Variants in PMS1 observed in about 807,000 individuals in gnomAD.
The protein encoded by PMS1 is PMS1 protein homolog 1.
A neutral mutation model predicts 93.1 loss-of-function variants in PMS1; 79 were observed. The ratio of observed to expected loss-of-function variants is 0.85; its 90% CI spans 0.71 to 1.02. The LOEUF is 1.02. Ranked by LOEUF, PMS1 falls within the 50% of genes least tolerant of loss-of-function variation. PMS1 has a pLI of 0.00. For missense variants in PMS1, 1,064 were observed against 1,085.3 expected (o/e 0.98, Z 0.28); for synonymous variants, 335 against 363.4 (o/e 0.92, Z 0.89).
At chr2:189,800,731 T>A (rs999762828) in intron 3 of PMS1, among the ~76,000 whole-genome samples, 1 of 152,228 alleles carries the variant, frequency 6.6e-6, no homozygotes, top group Admixed American at 6.5e-5. Flanking sequence ...CATAGAGTTG[T>A]AAACCATCCT....
intron 9 of PMS1, 55 bp from the exon 10 acceptor site, chr2:189,863,688 G>A (rs953302290): frequency 3.0e-6 from 4 of 1,331,946 alleles, no homozygotes; most frequent in African/African-American, 2.9e-5. Context: ...TACTTCAGAT[G>A]GTTAATATAT....
intron 5 of PMS1, 66 bp from the exon 6 acceptor site, chr2:189,843,898 A>C: frequency 7.2e-7 from 1 of 1,384,250 alleles, no homozygotes; most frequent in Non-Finnish European, 1.0e-6. Flanking sequence ...GGAATAAAAT[A>C]CTGACTTCTT....
intron 10 of PMS1, 52 bp downstream of exon 10, chr2:189,864,280 A>C: frequency 8.2e-7 from 1 of 1,213,322 alleles, no homozygotes; most frequent in South Asian, 1.2e-5. Flanking sequence ...ATAATAGTTC[A>C]TACTAGATTA....
intron 5 of PMS1, among the ~76,000 whole-genome samples, chr2:189,823,439 A>G (rs932566502): frequency 3.3e-5 from 5 of 151,112 alleles, no homozygotes; most frequent in South Asian, 2.1e-4. Context: ...CACCCCCTCA[A>G]CAGGCCCCGG....
intron 5 of PMS1, among the ~76,000 whole-genome samples, chr2:189,830,530 A>G (rs2052834799): frequency 6.6e-6 from 1 of 152,014 alleles, no homozygotes; most frequent in South Asian, 2.1e-4. Flanking sequence ...TCTTGAACTT[A>G]TCAGTATCCA....
At chr2:189,816,118 A>G (rs2051274895) in intron 4 of PMS1, among the ~76,000 whole-genome samples, 1 of 152,144 alleles carries the variant, frequency 6.6e-6, no homozygotes, top group Non-Finnish European at 1.5e-5. Context: ...TCTGGTCTCT[A>G]CTTCCTGGGC....
chr2:189,866,983 C>G (rs2056717601), intron 10 of PMS1, among the ~76,000 whole-genome samples: 1 of 152,172 alleles, frequency 6.6e-6, no homozygotes, highest in African/African-American at 2.4e-5. Context: ...GCTCTCTTCT[C>G]TATAATATTA....
intron 6 of PMS1, among the ~76,000 whole-genome samples, chr2:189,849,913 T>G (rs2054565787): frequency 7.1e-6 from 1 of 140,904 alleles, no homozygotes; most frequent in Non-Finnish European, 1.5e-5. Flanking sequence ...ATGAGCCCCC[T>G]TTTTTAAATG....
At chr2:189,860,558 G>A (rs1429070939) in intron 9 of PMS1, among the ~76,000 whole-genome samples, 1 of 151,970 alleles carries the variant, frequency 6.6e-6, no homozygotes, top group Non-Finnish European at 1.5e-5. Flanking sequence ...AATATTTGGG[G>A]CTTTTCCGGA....
At chr2:189,804,777 A>G (rs1347534462) in intron 3 of PMS1, among the ~76,000 whole-genome samples, 1 of 152,162 alleles carries the variant, frequency 6.6e-6, no homozygotes, top group Non-Finnish European at 1.5e-5. Context: ...AGCTCTTCGT[A>G]TAAAGATGGC....
chr2:189,867,753 T>C (rs760242108), intron 10 of PMS1, 46 bp from the exon 11 acceptor site: 23 of 1,415,412 alleles, frequency 1.6e-5, no homozygotes, highest in Non-Finnish European at 2.2e-5. Flanking sequence ...TAAACCCCCT[T>C]ATTTTGTGTT....
intron 11 of PMS1, among the ~76,000 whole-genome samples, chr2:189,872,901 T>C (rs1384397251): frequency 6.6e-6 from 1 of 152,202 alleles, no homozygotes; most frequent in Non-Finnish European, 1.5e-5. Context: ...CCCAAAGTGC[T>C]AGGATTGCAG....
rs1453360067 is a variant in PMS1, at chr2:189,837,798, C to T, written c.583-6166C>T. ...TAGAAACAACTCAAATGCTCATTAA[C>T]TCATAAAAGGATAATTCAAATGTAT... is the stretch of plus-strand genomic sequence containing the variant. On this transcript the variant is annotated intron_variant, in intron 5 of 12. Transcript: ENST00000441310. 6.6e-5 allele frequency among the ~76,000 whole-genome samples: 10 copies of T among 152,270 alleles called. No individual in the cohort carries two copies. The South Asian group carries it at 1.9e-3, about 28-fold the overall frequency.
At chr2:189,812,539 C>T (rs746816168) in intron 4 of PMS1, among the ~76,000 whole-genome samples, 21 of 151,966 alleles carry the variant, frequency 1.4e-4, no homozygotes, top group African/African-American at 1.9e-4. Flanking sequence ...AATGGAAAGA[C>T]GAGTATTTTA....
chr2:189,849,811 GT>G (rs1421768223), intron 6 of PMS1, among the ~76,000 whole-genome samples: 1 of 145,726 alleles, frequency 6.9e-6, no homozygotes, highest in Non-Finnish European at 1.5e-5. Flanking sequence ...AGTTGTCTCT[GT>G]TCTTTCTTGT....
intron 3 of PMS1, among the ~76,000 whole-genome samples, chr2:189,797,091 A>T (rs535574196): frequency 1.6e-3 from 245 of 152,266 alleles, no homozygotes; most frequent in Non-Finnish European, 2.4e-3. Context: ...TCCTATACCT[A>T]CTTGACCATG....
At chr2:189,822,627 T>A (rs1158304936) in intron 5 of PMS1, among the ~76,000 whole-genome samples, 5 of 152,226 alleles carry the variant, frequency 3.3e-5, no homozygotes, top group Non-Finnish European at 7.3e-5. Flanking sequence ...ATTCATCCAT[T>A]CCTGTGCTAA....
intron 5 of PMS1, among the ~76,000 whole-genome samples, chr2:189,840,488 G>A (rs1451658597): frequency 1.3e-5 from 2 of 152,138 alleles, no homozygotes; most frequent in Non-Finnish European, 2.9e-5. Context: ...ATACAAGGAG[G>A]CAACTTTAGG....
intron 3 of PMS1, among the ~76,000 whole-genome samples, chr2:189,800,470 G>C (rs540373871): frequency 6.0e-4 from 91 of 152,178 alleles, no homozygotes; most frequent in African/African-American, 2.0e-3. Flanking sequence ...GTTGAAGTCA[G>C]TTACATTTAA....
Sources: gnomAD v4.1 joint callset for allele counts (sites outside exome capture counted in the v4.1 genomes callset) on GRCh38, gnomAD v4.1.1 for gene constraint, MANE v1.5 for transcripts, NCBI Gene and HGNC (gene_info 2026-07-23, HGNC 2026-07-21) for gene names.